Variants in FBXO5 observed in about 807,000 individuals in gnomAD.
FBXO5 encodes the protein F-box protein 5, also known as F-box only protein 5.
In FBXO5, 8 loss-of-function variants were observed where a neutral mutation model predicts 43.3. The ratio of observed to expected loss-of-function variants is 0.18; its 90% CI spans 0.11 to 0.33. The LOEUF (loss-of-function observed/expected upper bound fraction) is 0.33, where lower values mean the gene tolerates loss of function less well. Ranked by LOEUF, FBXO5 falls within the 10% of genes least tolerant of loss-of-function variation. The pLI is 1.00. For missense variants in FBXO5, 491 were observed against 535.7 expected, an observed-to-expected ratio of 0.92 and a Z score of 0.82; for synonymous variants, 204 against 193.7, an observed-to-expected ratio of 1.05 and a Z score of -0.44.
At position 152,974,342 on chromosome 6, in the gene FBXO5, A is replaced by G. The variant is rs550330265; in HGVS notation, c.818+565T>C. On this transcript the variant is annotated intron_variant, in intron 2 of 4. Transcript: ENST00000229758. ...TTCATACTTTCTGGTGTGACAAGTC[A>G]TAATGCCTATTAGACATGTAGACTG... is the stretch of plus-strand genomic sequence containing the variant. Among the ~76,000 whole-genome samples, 335 of 152,362 alleles carry G rather than the reference A, an allele frequency of 2.2e-3. 1 individual carries two copies. Among genetic ancestry groups the G allele is most frequent in the African/African-American group, 7.5e-3 (311 of 41,592 alleles).
At chr6:152,980,935 G>A (rs1778249735) in intron 1 of FBXO5, among the ~76,000 whole-genome samples, 1 of 152,082 alleles carries the variant, frequency 6.6e-6, no homozygotes, top group African/African-American at 2.4e-5. Context: ...CTATCACAAG[G>A]GTCTAGTCAA....
At chr6:152,972,798 C>A in intron 3 of FBXO5, 2 of 496,262 alleles carry the variant, frequency 4.0e-6, no homozygotes, top group East Asian at 3.3e-5. Context: ...ACTAAATGGT[C>A]GACTCTATCT....
At position 152,971,315 on chromosome 6, in the gene FBXO5, G is replaced by C; in HGVS notation, c.1192C>G (p.Arg398Gly). 1 of 1,613,862 alleles carries C rather than the reference G, an allele frequency of 6.2e-7. No individual in the cohort carries two copies. Among genetic ancestry groups the C allele is most frequent in the Non-Finnish European group, 8.5e-7 (1 of 1,179,922 alleles). ...CAATAATCAAATCCACAGCCTTCTC[G>C]TTTGCAGGTTGCCCGTTGTAAATAG... is the stretch of plus-strand genomic sequence containing the variant. Reference protein sequence around the residue: ...DCYLQRATCKREGCGFDYCTK... With the variant: ...DCYLQRATCKGEGCGFDYCTK... The change falls in exon 5 of 5, where the codon CGA (arginine) becomes GGA (glycine). Residue 398 changes from arginine (R) to glycine (G), a missense_variant. Physicochemically the swap from Arg to Gly is moderately radical, Grantham distance 125 (BLOSUM62 -2). Coordinates refer to ENST00000229758, the MANE Select transcript of FBXO5 (RefSeq NM_012177.5).
At chr6:152,982,553 A>G (rs1400400521) in intron 1 of FBXO5, among the ~76,000 whole-genome samples, 2 of 151,908 alleles carry the variant, frequency 1.3e-5, no homozygotes, top group Admixed American at 1.3e-4. Flanking sequence ...TCCGAGGAGG[A>G]AAAAGGGCGC....
chr6:152,974,159 T>C (rs1187796511), intron 2 of FBXO5, among the ~76,000 whole-genome samples: 1 of 151,842 alleles, frequency 6.6e-6, no homozygotes, highest in Non-Finnish European at 1.5e-5. Context: ...TAAGCCAAGA[T>C]TGCACCATTG....
At chr6:152,977,097 T>C (rs1778180629) in intron 1 of FBXO5, among the ~76,000 whole-genome samples, 1 of 152,248 alleles carries the variant, frequency 6.6e-6, no homozygotes, top group Non-Finnish European at 1.5e-5. Context: ...ATTCACAATT[T>C]GAGCAACGGC....
At chr6:152,976,820 C>A (rs1778175778) in intron 1 of FBXO5, among the ~76,000 whole-genome samples, 1 of 152,158 alleles carries the variant, frequency 6.6e-6, no homozygotes, top group Non-Finnish European at 1.5e-5. Flanking sequence ...CAAGATTTCA[C>A]CATCCCTGTG....
In FBXO5 at chr6:152,975,175, C is replaced by G. The variant is rs1372676132; in HGVS notation, c.550G>C (p.Asp184His). The G allele has an allele frequency of 1.9e-6, 3 of 1,614,044 alleles. No individual in the cohort carries two copies. In the African/African-American group the frequency reaches 4.0e-5, roughly 22 times the overall value. The stretch of plus-strand genomic sequence containing the variant: ...AGCAAGTTTTTGTTGGGATATTGGT[C>G]TGGGCTTTGTATTTGTAGCAGGCAG... ...QSCLLQIQSP[D>H]QYPNKNLLPV... The change falls in exon 2 of 5, where the codon GAC becomes CAC. Residue 184 changes from aspartate (D) to histidine (H), a missense_variant. Asp to His is a moderately conservative substitution (Grantham distance 81, BLOSUM62 -1). Transcript: ENST00000229758.
At chr6:152,972,803 C>A in intron 3 of FBXO5, 1 of 501,318 alleles carries the variant, frequency 2.0e-6, no homozygotes, top group African/African-American at 2.0e-5. Context: ...ATGGTCGACT[C>A]TATCTGAGAA....
intron 3 of FBXO5, 96 bp downstream of exon 3, chr6:152,972,950 T>G: frequency 1.1e-6 from 1 of 922,630 alleles, no homozygotes; most frequent in South Asian, 1.6e-5. Context: ...TTTATGACTG[T>G]AAAGAAGGGT....
chr6:152,980,455 G>A (rs887276518), intron 1 of FBXO5, among the ~76,000 whole-genome samples: 1 of 152,166 alleles, frequency 6.6e-6, no homozygotes, highest in Non-Finnish European at 1.5e-5. Flanking sequence ...GTTGGGGGAG[G>A]TTATTGAAAA....
chr6:152,982,738 T>C (rs1778282379), intron 1 of FBXO5, 119 bp downstream of exon 1: 1 of 636,482 alleles, frequency 1.6e-6, no homozygotes, highest in South Asian at 2.9e-5. Flanking sequence ...AGGCCGGGCG[T>C]GTGGCATGGC....
intron 1 of FBXO5, among the ~76,000 whole-genome samples, chr6:152,979,681 C>T (rs569247354): frequency 1.3e-5 from 2 of 152,320 alleles, no homozygotes; most frequent in South Asian, 4.1e-4. Flanking sequence ...AGTATAAACT[C>T]ATAGACTTTG....
In FBXO5 at chr6:152,971,055, C is replaced by T. The variant is rs1330497457; in HGVS notation, c.*108G>A. The T allele has an allele frequency of 1.7e-6, 2 of 1,158,424 alleles. No individual in the cohort carries two copies. The highest frequency in any genetic ancestry group is 1.6e-5 in the African/African-American group (1 of 64,472). 71.8% of individuals were successfully genotyped at this position (1,158,424 alleles called of 1,614,324 possible). On this transcript the variant is annotated 3_prime_UTR_variant, in exon 5 of 5. Transcript: ENST00000229758. ...GGGGGAAAAAAACCTCAGGATACTA[C>T]ACCGATTTCAACATAAAATTGAAAA...
upstream of FBXO5, chr6:152,983,063 T>C (rs1178802771): frequency 3.3e-6 from 2 of 614,914 alleles, no homozygotes; most frequent in Admixed American, 4.3e-5. Flanking sequence ...CGCCAGCTGG[T>C]ACTTTTAAAA....
chr6:152,980,672 T>A (rs192139933), intron 1 of FBXO5, among the ~76,000 whole-genome samples: 1 of 152,262 alleles, frequency 6.6e-6, no homozygotes, highest in East Asian at 1.9e-4. Context: ...GTAGTGGAAA[T>A]GAAAATAACT....
Position 152,974,842 on chromosome 6 carries a change from T to C in FBXO5, c.818+65A>G, listed in dbSNP as rs373966353. 10 of 1,271,562 alleles carry C rather than the reference T, an allele frequency of 7.9e-6. No homozygotes were observed. In the African/African-American group the frequency reaches 1.0e-4, roughly 13 times the overall value. 78.8% of individuals were successfully genotyped at this position (1,271,562 alleles called of 1,614,324 possible). Reference sequence around the variant, plus strand: ...CAACAGCCTTTGCATGAGCTGGTGGTACTGAGCCACTAACAGCAATGTTCA... The same window carrying C: ...CAACAGCCTTTGCATGAGCTGGTGGCACTGAGCCACTAACAGCAATGTTCA... On this transcript the variant is annotated intron_variant, in intron 2 of 4. Transcript: ENST00000229758.
At chr6:152,973,356 G>A in intron 2 of FBXO5, 1 of 500,424 alleles carries the variant, frequency 2.0e-6, no homozygotes, top group Non-Finnish European at 3.6e-6. Context: ...AATTCTGAGT[G>A]CATTGAGGCT....
chr6:152,971,503 C>T lies in FBXO5; in HGVS notation c.1093-89G>A. 2 of 1,316,032 alleles carry T rather than the reference C, an allele frequency of 1.5e-6. 1 individual carries two copies. Among genetic ancestry groups the T allele is most frequent in the Middle Eastern group, 5.0e-4 (2 of 4,004 alleles). 81.5% of individuals were successfully genotyped at this position (1,316,032 alleles called of 1,614,324 possible). A position where few individuals can be genotyped will look rare whatever the true frequency, so the allele number is the denominator to read the frequency against. On this transcript the variant is annotated intron_variant, in intron 4 of 4. Transcript: ENST00000229758. Reference sequence around the variant, plus strand: ...AAACCAAGGACACCCTTGCACCTTCCCCAATTCATGTATGAAATATCACTG... The same window carrying T: ...AAACCAAGGACACCCTTGCACCTTCTCCAATTCATGTATGAAATATCACTG...
Sources: gnomAD v4.1 joint callset for allele counts (sites outside exome capture counted in the v4.1 genomes callset) on GRCh38, gnomAD v4.1.1 for gene constraint, MANE v1.5 for transcripts, NCBI Gene and HGNC (gene_info 2026-07-23, HGNC 2026-07-21) for gene names.